The following CYP4F22 variants were observed in gnomAD, a reference collection of about 807,000 sequenced individuals.
CYP4F22 encodes the protein ultra-long-chain fatty acid omega-hydroxylase.
In CYP4F22, 37 loss-of-function variants were observed where a neutral mutation model predicts 60.4. That is an observed-to-expected ratio of 0.61 (90% confidence interval 0.47 to 0.81). CYP4F22 has a LOEUF of 0.81. Ranked by LOEUF, CYP4F22 falls within the 30% of genes least tolerant of loss-of-function variation. The pLI is 0.00. For missense variants in CYP4F22, 655 were observed against 715.0 expected, an observed-to-expected ratio of 0.92 and a Z score of 0.96; for synonymous variants, 258 against 280.5, an observed-to-expected ratio of 0.92 and a Z score of 0.80.
chr19:15,525,023 T>G (rs894091351), intron 2 of CYP4F22, among the ~76,000 whole-genome samples: 3 of 152,120 alleles, frequency 2.0e-5, no homozygotes, highest in African/African-American at 2.4e-5. Flanking sequence ...AGTCATTGGT[T>G]GAGAGCTGCT....
intron 1 of CYP4F22, chr19:15,515,459 T>C: frequency 1.2e-6 from 1 of 863,924 alleles, no homozygotes; most frequent in Non-Finnish European, 1.9e-6. Context: ...GCACGGTGGC[T>C]CACGCTTGCA....
chr19:15,543,874 A>G (rs1036611853), intron 8 of CYP4F22, 97 bp from the exon 9 acceptor site: 314 of 1,335,690 alleles, frequency 2.4e-4, no homozygotes, highest in Admixed American at 3.9e-4. Flanking sequence ...AAAAAAAAAA[A>G]AAAGATGGGG....
chr19:15,511,300 T>TA (rs934887224), intron 1 of CYP4F22, among the ~76,000 whole-genome samples: 16 of 149,822 alleles, frequency 1.1e-4, no homozygotes, highest in African/African-American at 1.2e-4. Flanking sequence ...ACAAAAAAAT[T>TA]AAAAAAAAAT....
At chr19:15,526,576 T>G (rs1342446219) in intron 3 of CYP4F22, among the ~76,000 whole-genome samples, 1 of 152,128 alleles carries the variant, frequency 6.6e-6, no homozygotes, top group Admixed American at 6.6e-5. Flanking sequence ...CGTGGAAGAT[T>G]ACTGAGGCAC....
At chr19:15,526,879 C>T (rs1051767594) in intron 3 of CYP4F22, among the ~76,000 whole-genome samples, 5 of 151,748 alleles carry the variant, frequency 3.3e-5, no homozygotes, top group African/African-American at 9.7e-5. Flanking sequence ...CAAGTAGCTG[C>T]GACTGCAAGC....
At chr19:15,550,573 T>C (rs1599819969) in intron 12 of CYP4F22, 101 bp from the exon 13 acceptor site, 2 of 995,500 alleles carry the variant, frequency 2.0e-6, no homozygotes, top group Non-Finnish European at 3.0e-6. Context: ...CCTGGGGTGC[T>C]CCCCATCCAT....
intron 4 of CYP4F22, among the ~76,000 whole-genome samples, chr19:15,530,340 CT>C (rs1318216093): frequency 6.6e-6 from 1 of 152,172 alleles, no homozygotes; most frequent in Non-Finnish European, 1.5e-5. Context: ...TCCAAGTCTG[CT>C]TGGCAAGCTC....
In CYP4F22 at chr19:15,520,552, G is replaced by A. The variant is rs138866696; in HGVS notation, c.-108-3141G>A. Among the ~76,000 whole-genome samples, 352 of 151,326 alleles carry A rather than the reference G, an allele frequency of 2.3e-3. 1 individual carries two copies. Among genetic ancestry groups the A allele is most frequent in the African/African-American group, 7.9e-3 (326 of 41,374 alleles). ...CACAGGGGTACCAGGCTTTCCATAC[G>A]GACCACACACAGAGCCTCAGTGCAC... On this transcript the variant is annotated intron_variant, in intron 1 of 13. Transcript: ENST00000269703.
chr19:15,511,297 A>C (rs1225539443), intron 1 of CYP4F22, among the ~76,000 whole-genome samples: 1 of 151,840 alleles, frequency 6.6e-6, no homozygotes, highest in Non-Finnish European at 1.5e-5. Flanking sequence ...TTAACAAAAA[A>C]ATTAAAAAAA....
chr19:15,523,284 C>T (rs1388145143), intron 1 of CYP4F22, among the ~76,000 whole-genome samples: 1 of 152,086 alleles, frequency 6.6e-6, no homozygotes, highest in African/African-American at 2.4e-5. Context: ...CGCTTGAACC[C>T]AGGAGGCAGA....
chr19:15,520,099 C>T (rs1971203879), intron 1 of CYP4F22, among the ~76,000 whole-genome samples: 1 of 152,086 alleles, frequency 6.6e-6, no homozygotes, highest in African/African-American at 2.4e-5. Context: ...AATCCCAGCA[C>T]TTTGGGAGGC....
chr19:15,536,594 G>A (rs1279669366), intron 4 of CYP4F22, among the ~76,000 whole-genome samples: 1 of 152,138 alleles, frequency 6.6e-6, no homozygotes, highest in Non-Finnish European at 1.5e-5. Context: ...AGCACAGGAG[G>A]TGTGATTCAG....
chr19:15,532,348 C>A lies in CYP4F22; in HGVS notation c.367+2495C>A, dbSNP rs989392142. On this transcript the variant is annotated intron_variant, in intron 4 of 13. Coordinates refer to ENST00000269703, the MANE Select transcript of CYP4F22 (RefSeq NM_173483.4). ...TCCTTCTCCTTCTTCTCCTCCCCAT[C>A]CCCCTCCTCCTCCTCCACCTTCTTC... Among the ~76,000 whole-genome samples, 3 of 150,026 alleles carry A rather than the reference C, an allele frequency of 2.0e-5. No individual in the cohort carries two copies. The Admixed American group carries it at 2.0e-4, about 10-fold the overall frequency.
At chr19:15,523,424 A>G (rs1971246938) in intron 1 of CYP4F22, among the ~76,000 whole-genome samples, 1 of 152,174 alleles carries the variant, frequency 6.6e-6, no homozygotes, top group South Asian at 2.1e-4. Flanking sequence ...ACTATCTGGA[A>G]GACAGCGCCA....
rs1971497688 is a variant in CYP4F22, at chr19:15,544,293, CAG to C, written c.1136+15_1136+16del. On this transcript the variant is annotated intron_variant, in intron 10 of 13. Transcript: ENST00000269703. ...GGAGCTGGAGTGGTGAGTGTGGGGT[CAG>C]GGGAATGGAGGGGGCAGGTTGAGGC... 3.1e-6 allele frequency: 5 copies of C among 1,611,870 alleles called. No homozygotes were observed. Among genetic ancestry groups the C allele is most frequent in the Non-Finnish European group, 4.2e-6 (5 of 1,179,322 alleles).
intron 1 of CYP4F22, among the ~76,000 whole-genome samples, chr19:15,517,772 AG>A (rs1025016786): frequency 7.2e-5 from 11 of 152,146 alleles, no homozygotes; most frequent in African/African-American, 2.7e-4. Flanking sequence ...AGAGTGATCT[AG>A]GGGAGGTGGC....
Position 15,551,419 on chromosome 19 carries a change from G to C in CYP4F22, c.1544G>C (p.Arg515Pro). 6.3e-7 allele frequency: 1 copy of C among 1,595,262 alleles called. No homozygotes were observed. Among genetic ancestry groups the C allele is most frequent in the South Asian group, 1.1e-5 (1 of 88,280 alleles). Residue 515 changes from arginine to proline, a missense_variant, in exon 14 of 14, where the codon CGC (arginine) becomes CCC (proline). Arg to Pro is a moderately radical substitution (Grantham distance 103). Coordinates refer to ENST00000269703, the MANE Select transcript of CYP4F22 (RefSeq NM_173483.4). ...KVRRKPELIL[R>P]TENGLWLKVE... ...CGGCGGAAGCCGGAGCTCATACTGC[G>C]CACGGAGAACGGGCTCTGGCTCAAG...
chr19:15,518,412 G>A (rs991778189), intron 1 of CYP4F22, among the ~76,000 whole-genome samples: 7 of 151,448 alleles, frequency 4.6e-5, no homozygotes, highest in Non-Finnish European at 8.8e-5. Flanking sequence ...AGGCCGAGGC[G>A]GGCGGAACAC....
At chr19:15,514,947 C>A (rs1302307259) in intron 1 of CYP4F22, among the ~76,000 whole-genome samples, 1 of 152,114 alleles carries the variant, frequency 6.6e-6, no homozygotes, top group African/African-American at 2.4e-5. Context: ...GTGTGGCTGT[C>A]CAGGGTTTGT....
Sources: gnomAD v4.1 joint callset for allele counts (sites outside exome capture counted in the v4.1 genomes callset) on GRCh38, gnomAD v4.1.1 for gene constraint, MANE v1.5 for transcripts, NCBI Gene and HGNC (gene_info 2026-07-23, HGNC 2026-07-21) for gene names.